CYB5RL: variants seen among roughly 807,000 people sequenced by gnomAD.
The protein encoded by CYB5RL is cytochrome b5 reductase like.
A neutral mutation model predicts 37.5 loss-of-function variants in CYB5RL; 38 were observed. That is an observed-to-expected ratio of 1.01 (90% CI 0.78 to 1.33). CYB5RL has a LOEUF of 1.33. CYB5RL is among the 40% of genes most tolerant of loss of function. The pLI, the probability that CYB5RL is intolerant of heterozygous loss-of-function variation, is 0.00. For missense variants in CYB5RL, 388 were observed against 394.4 expected (o/e 0.98, Z 0.14); for synonymous variants, 141 against 151.9 (o/e 0.93, Z 0.53).
chr1:54,196,805 C>T (rs531906358), intron 1 of CYB5RL, among the ~76,000 whole-genome samples: 2 of 152,310 alleles, frequency 1.3e-5, no homozygotes, highest in East Asian at 3.9e-4. Context: ...GGTTTCAAAA[C>T]ATATCGTTCT....
chr1:54,178,372 A>G (rs1281536175), intron 7 of CYB5RL, among the ~76,000 whole-genome samples: 2 of 152,156 alleles, frequency 1.3e-5, no homozygotes, highest in Non-Finnish European at 1.5e-5. Flanking sequence ...CAGGAATCCC[A>G]ACCCAGAGGG....
chr1:54,179,489 C>T, intron 6 of CYB5RL, 137 bp from the exon 7 acceptor site: 6 of 800,872 alleles, frequency 7.5e-6, no homozygotes, highest in Non-Finnish European at 1.2e-5. Context: ...CCTATGTCCC[C>T]TCTCTACCTC....
At position 54,184,398 on chromosome 1, in the gene CYB5RL, T is replaced by C. The variant is rs907254697; in HGVS notation, c.436-133A>G. ...TGTTATCTCATTTAATCGTCCTCCT[T>C]ATCCTACAAAGTTGGTACAGCCATT... On this transcript the variant is annotated intron_variant, in intron 5 of 7. Transcript: ENST00000534324. 4.1e-6 allele frequency: 3 copies of C among 740,658 alleles called. No homozygotes were observed. The African/African-American group carries it at 5.4e-5, about 13-fold the overall frequency. The allele number at this position is 740,658 out of a possible 1,614,324, so 45.9% of individuals were successfully genotyped here. A position where few individuals can be genotyped will look rare whatever the true frequency, so the allele number is the denominator to read the frequency against.
chr1:54,172,333 A>ATTTT lies in CYB5RL; in HGVS notation c.*2285_*2286insAAAA, dbSNP rs202061876. The ATTTT allele has an allele frequency of 3.8e-5, 3 of 77,982 alleles. No individual in the cohort carries two copies. Among genetic ancestry groups the ATTTT allele is most frequent in the Admixed American group, 1.6e-4 (1 of 6,376 alleles). 4.8% of individuals were successfully genotyped at this position (77,982 alleles called of 1,614,324 possible). On this transcript the variant is annotated 3_prime_UTR_variant, in exon 8 of 8. Transcript: ENST00000534324. ...AGGCGCATACCACCACATAAGGTTA[A>ATTTT]TCTTTTTTTTTTTTTTTTTTTTGTA...
chr1:54,170,370 T>C lies in CYB5RL; in HGVS notation c.*4249A>G, dbSNP rs1659862595. On this transcript the variant is annotated 3_prime_UTR_variant, in exon 8 of 8. Transcript: ENST00000534324. ...TGCCCACCTCAGCCTCCCAAAGTGTTGGGATTACAGGCATGAGCCACCGCA... is the reference window on the plus strand; with the variant it reads ...TGCCCACCTCAGCCTCCCAAAGTGTCGGGATTACAGGCATGAGCCACCGCA... 1 of 152,094 alleles carries C rather than the reference T, an allele frequency of 6.6e-6. No individual in the cohort carries two copies. The highest frequency in any genetic ancestry group is 1.5e-5 in the Non-Finnish European group (1 of 68,098). 9.4% of individuals were successfully genotyped at this position (152,094 alleles called of 1,614,324 possible).
chr1:54,195,097 T>A (rs1643994127), intron 3 of CYB5RL, among the ~76,000 whole-genome samples: 1 of 152,244 alleles, frequency 6.6e-6, no homozygotes. Flanking sequence ...AAATCCTCAC[T>A]ATTTCACAGG....
intron 4 of CYB5RL, among the ~76,000 whole-genome samples, chr1:54,188,383 C>T (rs1176601139): frequency 6.6e-6 from 1 of 152,146 alleles, no homozygotes; most frequent in Non-Finnish European, 1.5e-5. Context: ...TTTTCCTGAC[C>T]TCTTCCCGAC....
At chr1:54,185,674 G>C (rs1384668912) in intron 5 of CYB5RL, 2 of 152,210 alleles carry the variant, frequency 1.3e-5, no homozygotes, top group Non-Finnish European at 2.9e-5. Flanking sequence ...TGCCTTGCTG[G>C]AGGCTGTCTC....
In CYB5RL at chr1:54,190,616, T is replaced by C. The variant is rs1344596332; in HGVS notation, c.347+132A>G. On this transcript the variant is annotated intron_variant, in intron 4 of 7. Transcript: ENST00000534324. ...TCAATCCCAAGAACTCTCTGAGTCA[T>C]GTGTCACTATGTCTATCTTGAAGAT... The C allele has an allele frequency of 5.3e-6, 6 of 1,124,100 alleles. No individual in the cohort carries two copies. The East Asian group carries it at 1.3e-4, about 24-fold the overall frequency. The allele number at this position is 1,124,100 out of a possible 1,614,324, so 69.6% of individuals were successfully genotyped here.
At chr1:54,188,910 C>T (rs1297923142) in intron 4 of CYB5RL, among the ~76,000 whole-genome samples, 1 of 152,196 alleles carries the variant, frequency 6.6e-6, no homozygotes, top group African/African-American at 2.4e-5. Flanking sequence ...TGAGGCTGGG[C>T]GTGGTGGCTC....
chr1:54,178,316 G>A (rs756816227), intron 7 of CYB5RL, among the ~76,000 whole-genome samples: 1 of 152,116 alleles, frequency 6.6e-6, no homozygotes, highest in African/African-American at 2.4e-5. Context: ...CCACAGCACC[G>A]GGCAAGAAGG....
chr1:54,183,679 A>G (rs566014192), intron 6 of CYB5RL, among the ~76,000 whole-genome samples: 1 of 152,150 alleles, frequency 6.6e-6, no homozygotes, highest in East Asian at 1.9e-4. Context: ...AGTTTCATTT[A>G]TAAGTGTCTA....
rs139278084 is a variant in CYB5RL, at chr1:54,181,833, G to A, written c.540+2328C>T. Among the ~76,000 whole-genome samples, 16 of 152,292 alleles carry A rather than the reference G, an allele frequency of 1.1e-4. No homozygotes were observed. In the East Asian group the frequency reaches 3.1e-3, roughly 29 times the overall value. ...CTGGGCGTGGTGATACACGCCTGTA[G>A]TCCCAGCTACTTGGGAGGCTGAGGC... On this transcript the variant is annotated intron_variant, in intron 6 of 7. Coordinates refer to ENST00000534324, the MANE Select transcript of CYB5RL (RefSeq NM_001031672.4).
rs1278987195 is a variant in CYB5RL, at chr1:54,187,709, T to C, written c.378A>G (p.Arg126=). Residue 126 remains arginine, a synonymous_variant, in exon 5 of 8, where the codon AGA becomes AGG. Transcript: ENST00000534324. The part of the protein sequence containing the change: ...RGIVDDLEIQ[R]AYTPISPANA... ...TGGCAGGGCTGATGGGCGTATAGGC[T>C]CTCTGAATTTCTAAGTCATCTACTA... 1.1e-5 allele frequency: 18 copies of C among 1,613,840 alleles called. No homozygotes were observed. The South Asian group carries it at 1.9e-4, about 17-fold the overall frequency.
Position 54,174,525 on chromosome 1 carries a change from A to C in CYB5RL, c.*94T>G. ...CACCTGGCAAATGAGCAGCAGGACC[A>C]GGCCTGGACTCCGTGTCTTCTGATT... is the stretch of plus-strand genomic sequence containing the variant. On this transcript the variant is annotated 3_prime_UTR_variant, in exon 8 of 8. Coordinates refer to ENST00000534324, the MANE Select transcript of CYB5RL (RefSeq NM_001031672.4). 2.1e-6 allele frequency: 3 copies of C among 1,431,394 alleles called. No homozygotes were observed. The highest frequency in any genetic ancestry group is 1.9e-6 in the Non-Finnish European group (2 of 1,043,040). 88.7% of individuals were successfully genotyped at this position (1,431,394 alleles called of 1,614,324 possible).
At position 54,184,174 on chromosome 1, in the gene CYB5RL, T is replaced by C. The variant is rs761082124; in HGVS notation, c.527A>G (p.Tyr176Cys). ...FWRGPFGDFFYKPNQYGELLL... is the reference protein window; with the variant it reads ...FWRGPFGDFFCKPNQYGELLL... ...GCTGGCACTGACCTGGTTTGGTTTA[T>C]AGAAGAAATCTCCGAAAGGTCCTCG... Residue 176 changes from tyrosine to cysteine, a missense_variant, in exon 6 of 8, where the codon TAT (tyrosine) becomes TGT (cysteine). Physicochemically the swap from Tyr to Cys is radical, Grantham distance 194 (BLOSUM62 -2). Coordinates refer to ENST00000534324, the MANE Select transcript of CYB5RL (RefSeq NM_001031672.4). 11 of 1,613,286 alleles carry C rather than the reference T, an allele frequency of 6.8e-6. No homozygotes were observed. The highest frequency in any genetic ancestry group is 6.7e-5 in the African/African-American group (5 of 74,894).
rs572299539 is a variant in CYB5RL at position 54,172,021 on chromosome 1, C to T, written c.*2598G>A. ...TACACGGAGTGAGGGGAAGAGGAGG[C>T]CAACACATTCTAGGTTGGTTACCAC... On this transcript the variant is annotated 3_prime_UTR_variant, in exon 8 of 8. Coordinates refer to ENST00000534324, the MANE Select transcript of CYB5RL (RefSeq NM_001031672.4). 1.3e-5 allele frequency: 2 copies of T among 157,910 alleles called. No individual in the cohort carries two copies. The highest frequency in any genetic ancestry group is 2.8e-5 in the Non-Finnish European group (2 of 70,912). 9.8% of individuals were successfully genotyped at this position (157,910 alleles called of 1,614,324 possible). A position where few individuals can be genotyped will look rare whatever the true frequency, so the allele number is the denominator to read the frequency against.
Position 54,170,948 on chromosome 1 carries a change from T to G in CYB5RL, c.*3671A>C, listed in dbSNP as rs1208377704. The G allele has an allele frequency of 2.9e-6, 1 of 349,612 alleles. No individual in the cohort carries two copies. The highest frequency in any genetic ancestry group is 5.7e-6 in the Non-Finnish European group (1 of 175,956). 21.7% of individuals were successfully genotyped at this position (349,612 alleles called of 1,614,324 possible). A position where few individuals can be genotyped will look rare whatever the true frequency, so the allele number is the denominator to read the frequency against. ...CCACCTGGAAAGCACTTCCTGAACA[T>G]TAGTTGTTTATCGCTCAGGTATTCG... is the stretch of plus-strand genomic sequence containing the variant. On this transcript the variant is annotated 3_prime_UTR_variant, in exon 8 of 8. Transcript: ENST00000534324.
intron 6 of CYB5RL, among the ~76,000 whole-genome samples, chr1:54,182,280 A>G (rs78355737): frequency 0.043 from 6,596 of 152,292 alleles, 372 homozygotes; most frequent in East Asian, 0.26. Flanking sequence ...GTTACCATAT[A>G]GCAAGTGCTA....
Sources: allele counts gnomAD v4.1 joint callset (sites outside exome capture counted in the v4.1 genomes callset), GRCh38; gene constraint gnomAD v4.1.1; transcripts MANE v1.5; gene names NCBI Gene and HGNC (gene_info 2026-07-23, HGNC 2026-07-21).